The following CDH13 variants were observed in gnomAD, a reference collection of about 807,000 sequenced individuals.
CDH13 encodes the protein cadherin 13, also known as cadherin-13.
Under a neutral mutation model 63.8 loss-of-function variants are expected in CDH13, and 24 were observed. The observed-to-expected ratio is 0.38, with a 90% CI of 0.27 to 0.53. The LOEUF (loss-of-function observed/expected upper bound fraction) is 0.53, where lower values mean the gene tolerates loss of function less well. CDH13 is among the 20% of genes least tolerant of loss of function. The pLI is 0.85. For synonymous variants in CDH13, 503 were observed against 355.3 expected (o/e 1.42, Z -4.67); for missense variants, 1,049 against 903.1 (o/e 1.16, Z -2.07).
chr16:83,734,124 C>G (rs1458243491), intron 10 of CDH13, among the ~76,000 whole-genome samples: 1 of 152,130 alleles, frequency 6.6e-6, no homozygotes, highest in Non-Finnish European at 1.5e-5. Context: ...ACAGCCCTTA[C>G]CAAAAGAAGA....
At chr16:83,083,173 T>C (rs1006157975) in intron 3 of CDH13, among the ~76,000 whole-genome samples, 6 of 152,196 alleles carry the variant, frequency 3.9e-5, no homozygotes, top group Admixed American at 3.9e-4. Flanking sequence ...ATACCAATCA[T>C]GGGTTGGTAT....
At chr16:82,856,483 CTT>C (rs1337718566) in intron 1 of CDH13, among the ~76,000 whole-genome samples, 1 of 151,044 alleles carries the variant, frequency 6.6e-6, no homozygotes, top group African/African-American at 2.4e-5. Context: ...GGGTGGATCA[CTT>C]AAGCTCAGGA....
chr16:82,791,056 T>G (rs1051986085), intron 1 of CDH13, among the ~76,000 whole-genome samples: 4 of 152,156 alleles, frequency 2.6e-5, no homozygotes, highest in African/African-American at 9.6e-5. Context: ...GCTAACACAG[T>G]GAAATTCCGT....
rs531705275 is a variant in CDH13, at chr16:82,695,501, C to T, written c.45+68364C>T. 1.6e-3 allele frequency among the ~76,000 whole-genome samples: 237 copies of T among 152,262 alleles called. 1 individual carries two copies. Among genetic ancestry groups the T allele is most frequent in the African/African-American group, 4.2e-3 (173 of 41,558 alleles). On this transcript the variant is annotated intron_variant, in intron 1 of 13. Coordinates refer to ENST00000567109, the MANE Select transcript of CDH13 (RefSeq NM_001257.5). ...CTCCAATGGTGAGCAGGAAGGACTT[C>T]ACCTCTTGTCTGTCCCTTAGCTTTG...
At chr16:82,915,539 T>C (rs9936335) in intron 2 of CDH13, among the ~76,000 whole-genome samples, 63,355 of 151,736 alleles carry the variant, frequency 0.42, 14,803 homozygotes, top group Non-Finnish European at 0.55. Flanking sequence ...AGGGGGGAAA[T>C]TACAGTCATT....
intron 3 of CDH13, among the ~76,000 whole-genome samples, chr16:83,098,781 G>A (rs975696570): frequency 1.3e-5 from 2 of 152,078 alleles, no homozygotes; most frequent in African/African-American, 4.8e-5. Context: ...CTGCTCTCAA[G>A]AATTTATTTT....
chr16:83,682,147 C>T (rs6563967), intron 10 of CDH13, among the ~76,000 whole-genome samples: 67,504 of 152,074 alleles, frequency 0.44, 15,199 homozygotes, highest in Middle Eastern at 0.52. Flanking sequence ...ATAGAGTAAT[C>T]TACTGCAACA....
At chr16:82,997,882 A>G (rs1351080178) in intron 2 of CDH13, among the ~76,000 whole-genome samples, 1 of 152,240 alleles carries the variant, frequency 6.6e-6, no homozygotes, top group African/African-American at 2.4e-5. Flanking sequence ...GGCCAACAAT[A>G]TCAGCTAAGG....
chr16:82,946,927 A>T lies in CDH13; in HGVS notation c.158-85083A>T, dbSNP rs117221299. Reference sequence around the variant, plus strand: ...AATGCATATATATTTATTAGAAAGGATGCCATAACAGATTGGATACATACA... The same window carrying T: ...AATGCATATATATTTATTAGAAAGGTTGCCATAACAGATTGGATACATACA... On this transcript the variant is annotated intron_variant, in intron 2 of 13. Coordinates refer to ENST00000567109, the MANE Select transcript of CDH13 (RefSeq NM_001257.5). 3.8e-3 allele frequency among the ~76,000 whole-genome samples: 579 copies of T among 152,158 alleles called. 1 individual carries two copies. The highest frequency in any genetic ancestry group is 6.7e-3 in the Non-Finnish European group (458 of 68,000).
At chr16:82,705,796 C>G (rs978214443) in intron 1 of CDH13, among the ~76,000 whole-genome samples, 3 of 152,154 alleles carry the variant, frequency 2.0e-5, no homozygotes, top group African/African-American at 7.2e-5. Flanking sequence ...GATTGTGCTT[C>G]TCATTTTGTT....
At chr16:82,984,269 C>A (rs1331019545) in intron 2 of CDH13, among the ~76,000 whole-genome samples, 1 of 152,160 alleles carries the variant, frequency 6.6e-6, no homozygotes, top group Non-Finnish European at 1.5e-5. Flanking sequence ...AACAGAATTC[C>A]CGGAACCACC....
At chr16:83,226,508 C>T (rs543157275) in intron 5 of CDH13, among the ~76,000 whole-genome samples, 2 of 152,318 alleles carry the variant, frequency 1.3e-5, no homozygotes, top group South Asian at 4.1e-4. Flanking sequence ...TGGCACCTGG[C>T]CCACACTCGG....
chr16:82,757,766 G>A (rs894028226), intron 1 of CDH13, among the ~76,000 whole-genome samples: 2 of 151,496 alleles, frequency 1.3e-5, no homozygotes, highest in Non-Finnish European at 2.9e-5. Flanking sequence ...CTCAGCTTTC[G>A]GAGTAGCTGG....
intron 3 of CDH13, among the ~76,000 whole-genome samples, chr16:83,098,836 G>C (rs528231661): frequency 3.9e-5 from 6 of 152,212 alleles, no homozygotes; most frequent in South Asian, 2.1e-4. Flanking sequence ...AAACATTTTT[G>C]AGTGGAGAAT....
intron 4 of CDH13, among the ~76,000 whole-genome samples, chr16:83,187,965 G>C (rs1160246644): frequency 6.6e-6 from 1 of 152,162 alleles, no homozygotes; most frequent in Admixed American, 6.5e-5. Context: ...AAGGAACTAT[G>C]AGTGCAAAAG....
rs766197824 is a variant in CDH13, at chr16:83,113,076, G to C, written c.367-12309G>C. 2.1e-4 allele frequency among the ~76,000 whole-genome samples: 32 copies of C among 152,114 alleles called. 1 individual carries two copies. Among genetic ancestry groups the C allele is most frequent in the Non-Finnish European group, 3.4e-4 (23 of 68,012 alleles). ...TTGACCTCAGGCAGCTGATGCTATC[G>C]AAGGAAAAAGGGAGGACTTCCATGC... On this transcript the variant is annotated intron_variant, in intron 3 of 13. Coordinates refer to ENST00000567109, the MANE Select transcript of CDH13 (RefSeq NM_001257.5).
chr16:83,733,397 C>T (rs751611482), intron 10 of CDH13, among the ~76,000 whole-genome samples: 5 of 152,168 alleles, frequency 3.3e-5, no homozygotes, highest in Admixed American at 6.6e-5. Flanking sequence ...GCCTCCATCA[C>T]GAATGCAGTC....
At chr16:82,695,623 A>G (rs902947186) in intron 1 of CDH13, among the ~76,000 whole-genome samples, 6 of 152,136 alleles carry the variant, frequency 3.9e-5, no homozygotes, top group African/African-American at 1.4e-4. Context: ...CAAGCTTCCT[A>G]TCAGTTTTTT....
intron 5 of CDH13, among the ~76,000 whole-genome samples, chr16:83,319,576 G>C (rs1216409681): frequency 1.3e-5 from 2 of 152,162 alleles, no homozygotes; most frequent in African/African-American, 4.8e-5. Flanking sequence ...ATGAAATATT[G>C]AAATCCTCAA....
Sources: allele counts gnomAD v4.1 joint callset (sites outside exome capture counted in the v4.1 genomes callset), GRCh38; gene constraint gnomAD v4.1.1; transcripts MANE v1.5; gene names NCBI Gene and HGNC (gene_info 2026-07-23, HGNC 2026-07-21).